Variants in YWHAQ observed in about 807,000 individuals in gnomAD.
YWHAQ encodes the protein 14-3-3 protein theta.
A neutral mutation model predicts 28.3 loss-of-function variants in YWHAQ; 6 were observed. That is an observed-to-expected ratio of 0.21 (90% CI 0.12 to 0.42). The LOEUF (loss-of-function observed/expected upper bound fraction) is 0.42. Ranked by LOEUF, YWHAQ falls within the 10% of genes least tolerant of loss-of-function variation. The pLI, the probability that YWHAQ is intolerant of heterozygous loss-of-function variation, is 1.00. For missense variants in YWHAQ, 201 were observed against 305.6 expected (o/e 0.66, Z 2.55); for synonymous variants, 143 against 119.1 (o/e 1.20, Z -1.31).
At chr2:9,591,745 T>C (rs1666459226) in intron 2 of YWHAQ, among the ~76,000 whole-genome samples, 1 of 152,224 alleles carries the variant, frequency 6.6e-6, no homozygotes, top group Non-Finnish European at 1.5e-5. Flanking sequence ...ATGGTAAGGC[T>C]AGATTCTAGA....
In YWHAQ at chr2:9,630,708, G is replaced by A. The variant is rs902422639; in HGVS notation, c.-82-174C>T. On this transcript the variant is annotated intron_variant, in intron 1 of 5. Coordinates refer to ENST00000238081, the MANE Select transcript of YWHAQ (RefSeq NM_006826.4). This position sits in a 1 kb window ranked among gnomAD's most constrained non-coding sequence, Gnocchi z 5.6. ...GAGGCCGCGGCCCGCGGCTGGAGGA[G>A]GCGGGGGCGGCGCGGAGGCCCCGCG... 9.1e-4 allele frequency: 186 copies of A among 205,076 alleles called. No individual in the cohort carries two copies. The highest frequency in any genetic ancestry group is 3.3e-3 in the Middle Eastern group (2 of 610). 12.7% of individuals were successfully genotyped at this position (205,076 alleles called of 1,614,324 possible).
chr2:9,590,542 G>A (rs988520003), intron 3 of YWHAQ, among the ~76,000 whole-genome samples: 1 of 152,044 alleles, frequency 6.6e-6, no homozygotes, highest in Non-Finnish European at 1.5e-5. Context: ...CTAATACCTA[G>A]AACTTGATAA....
At chr2:9,599,413 A>T (rs1187433143) in intron 2 of YWHAQ, among the ~76,000 whole-genome samples, 1 of 152,238 alleles carries the variant, frequency 6.6e-6, no homozygotes, top group African/African-American at 2.4e-5. Flanking sequence ...TCATACCAGA[A>T]GATGCCATCA....
intron 2 of YWHAQ, chr2:9,620,668 T>C (rs977656992): frequency 3.9e-5 from 6 of 152,170 alleles, no homozygotes; most frequent in African/African-American, 1.4e-4. Context: ...TTCCAGGAAT[T>C]AACAGGGACT....
intron 2 of YWHAQ, among the ~76,000 whole-genome samples, chr2:9,595,189 T>C (rs1175412560): frequency 4.6e-5 from 7 of 152,206 alleles, no homozygotes; most frequent in African/African-American, 1.7e-4. Flanking sequence ...CTATCAGTAG[T>C]AAAGATGTAT....
Position 9,630,102 on chromosome 2 carries a change from T to C in YWHAQ, c.294+57A>G, listed in dbSNP as rs1667331391. ...ACGTTTGTTTCCGTGCCCGCGAAAC[T>C]CTCAATGAAAAGCATCTCACAAAAG... On this transcript the variant is annotated intron_variant, in intron 2 of 5. Coordinates refer to ENST00000238081, the MANE Select transcript of YWHAQ (RefSeq NM_006826.4). The surrounding 1 kb of genome is among the most constrained non-coding windows in gnomAD (Gnocchi z 5.6). 6.4e-7 allele frequency: 1 copy of C among 1,562,168 alleles called. No homozygotes were observed.
chr2:9,610,988 T>C (rs1259934196), intron 2 of YWHAQ, among the ~76,000 whole-genome samples: 3 of 152,176 alleles, frequency 2.0e-5, no homozygotes, highest in Non-Finnish European at 4.4e-5. Context: ...CCCAAGCCCC[T>C]GGAAGTAGTT....
intron 2 of YWHAQ, among the ~76,000 whole-genome samples, chr2:9,626,619 C>T (rs1376694526): frequency 1.3e-5 from 2 of 152,070 alleles, no homozygotes; most frequent in Non-Finnish European, 2.9e-5. Flanking sequence ...TTAGTAGAGA[C>T]GGGGTTTCAC....
intron 2 of YWHAQ, among the ~76,000 whole-genome samples, chr2:9,602,616 C>T (rs962464916): frequency 5.3e-5 from 8 of 150,990 alleles, no homozygotes; most frequent in Admixed American, 1.3e-4. Context: ...GTGATCACAG[C>T]TTACTGCATC....
chr2:9,585,573 C>T (rs945463908), intron 5 of YWHAQ, among the ~76,000 whole-genome samples: 1 of 152,112 alleles, frequency 6.6e-6, no homozygotes, highest in Non-Finnish European at 1.5e-5. Flanking sequence ...TACATACATA[C>T]ATATACCACT....
intron 2 of YWHAQ, among the ~76,000 whole-genome samples, chr2:9,596,499 A>T (rs1484528722): frequency 1.3e-5 from 2 of 152,198 alleles, no homozygotes; most frequent in African/African-American, 4.8e-5. Context: ...GCAAAATAAC[A>T]GGAAGCAAAA....
intron 2 of YWHAQ, among the ~76,000 whole-genome samples, chr2:9,625,812 AAG>A (rs146430143): frequency 1.2e-3 from 180 of 152,300 alleles, no homozygotes; most frequent in African/African-American, 4.0e-3. Context: ...CAATTTACAG[AAG>A]AGAGAGAGTC....
intron 2 of YWHAQ, among the ~76,000 whole-genome samples, chr2:9,621,038 T>C (rs899485907): frequency 6.6e-6 from 1 of 152,144 alleles, no homozygotes; most frequent in Non-Finnish European, 1.5e-5. Context: ...AAGTCTAAGA[T>C]ATTTGCTTTT....
intron 2 of YWHAQ, among the ~76,000 whole-genome samples, chr2:9,626,947 C>G (rs1277219332): frequency 6.6e-6 from 1 of 152,180 alleles, no homozygotes; most frequent in African/African-American, 2.4e-5. Context: ...TACTCTACAG[C>G]CCCAAACCAT....
intron 2 of YWHAQ, among the ~76,000 whole-genome samples, chr2:9,621,049 T>C (rs1396624128): frequency 6.6e-6 from 1 of 152,206 alleles, no homozygotes; most frequent in African/African-American, 2.4e-5. Context: ...ATTTGCTTTT[T>C]TTCCACTGTC....
chr2:9,611,851 A>G (rs1666955938), intron 2 of YWHAQ, among the ~76,000 whole-genome samples: 1 of 152,088 alleles, frequency 6.6e-6, no homozygotes, highest in African/African-American at 2.4e-5. Context: ...TCGTATTTTT[A>G]GCAGATGAGG....
intron 2 of YWHAQ, among the ~76,000 whole-genome samples, chr2:9,629,512 A>G (rs991823470): frequency 5.9e-5 from 9 of 152,160 alleles, no homozygotes; most frequent in African/African-American, 2.2e-4. Flanking sequence ...TCACTTCAAC[A>G]CTAGTGTTTA....
chr2:9,602,865 ATATATATAT>A (rs1666741570), intron 2 of YWHAQ, among the ~76,000 whole-genome samples: 3 of 10,470 alleles, frequency 2.9e-4, no homozygotes, highest in Non-Finnish European at 3.9e-4. Flanking sequence ...AAAAAAAAAT[ATATATATAT>A]ATATATATAT....
intron 2 of YWHAQ, among the ~76,000 whole-genome samples, chr2:9,608,815 C>T (rs942383308): frequency 6.6e-6 from 1 of 152,306 alleles, no homozygotes; most frequent in Admixed American, 6.5e-5. Context: ...TGGCGGGTGC[C>T]TGTAATCCCA....
Sources: allele counts gnomAD v4.1 joint callset (sites outside exome capture counted in the v4.1 genomes callset), GRCh38; gene constraint gnomAD v4.1.1; non-coding constraint Gnocchi (gnomAD v3.1); transcripts MANE v1.5; gene names NCBI Gene and HGNC (gene_info 2026-07-23, HGNC 2026-07-21).